The following CAP2 variants were observed in gnomAD, a reference collection of about 807,000 sequenced individuals.
CAP2 encodes the protein adenylyl cyclase-associated protein 2.
In CAP2, 24 loss-of-function variants were observed where a neutral mutation model predicts 57.7. The observed-to-expected ratio is 0.42, with a 90% CI of 0.30 to 0.58. The LOEUF (loss-of-function observed/expected upper bound fraction) is 0.58, where lower values mean the gene tolerates loss of function less well. Among genes scored for constraint, CAP2 ranks in the 20% least tolerant of loss-of-function variants. The probability of loss-of-function intolerance (pLI) is 0.22; values close to 1 mark genes in which losing one functional copy is unlikely to be tolerated. For missense variants in CAP2, 501 were observed against 590.3 expected, an observed-to-expected ratio of 0.85 and a Z score of 1.57; for synonymous variants, 194 against 207.2, an observed-to-expected ratio of 0.94 and a Z score of 0.55.
At chr6:17,401,659 C>G (rs1228334063) in intron 1 of CAP2, among the ~76,000 whole-genome samples, 1 of 152,166 alleles carries the variant, frequency 6.6e-6, no homozygotes, top group African/African-American at 2.4e-5. Flanking sequence ...GGCAGTCATG[C>G]TAGAAGCTGT....
rs571612726 is a variant in CAP2, at chr6:17,549,627, A to G, written c.1210-1837A>G. Among the ~76,000 whole-genome samples, 12 of 152,366 alleles carry G rather than the reference A, an allele frequency of 7.9e-5. No homozygotes were observed. The South Asian group carries it at 2.5e-3, about 32-fold the overall frequency. ...AGTATAGATGCCAGTTAATACCACA[A>G]TTAGTGATGTCTTCTCACACTCACC... On this transcript the variant is annotated intron_variant, in intron 11 of 12. Transcript: ENST00000229922.
Position 17,404,406 on chromosome 6 carries a change from C to T in CAP2, c.-2+10660C>T, listed in dbSNP as rs533032608. ...AGATCACGAGGTCAGGAGATGGAGA[C>T]CATCCTGGCTAACACGGTGAAACCC... On this transcript the variant is annotated intron_variant, in intron 1 of 12. Coordinates refer to ENST00000229922, the MANE Select transcript of CAP2 (RefSeq NM_006366.3). Among the ~76,000 whole-genome samples, 131 of 152,204 alleles carry T rather than the reference C, an allele frequency of 8.6e-4. 2 individuals are homozygous for T. Among genetic ancestry groups the T allele is most frequent in the African/African-American group, 3.1e-3 (129 of 41,534 alleles).
intron 1 of CAP2, among the ~76,000 whole-genome samples, chr6:17,400,518 G>A (rs1758782998): frequency 1.3e-5 from 2 of 152,124 alleles, no homozygotes; most frequent in South Asian, 4.1e-4. Flanking sequence ...CTATTCGGAT[G>A]ATTGTCATCA....
chr6:17,487,826 C>T (rs931480943), intron 4 of CAP2, among the ~76,000 whole-genome samples: 8 of 151,970 alleles, frequency 5.3e-5, no homozygotes, highest in East Asian at 2.0e-4. Context: ...TTACCTAGGC[C>T]GGAGTGCAGT....
intron 3 of CAP2, among the ~76,000 whole-genome samples, chr6:17,428,989 T>A (rs1215245235): frequency 1.3e-5 from 2 of 152,184 alleles, no homozygotes; most frequent in Admixed American, 1.3e-4. Context: ...CTTCTCCATT[T>A]CTGTTGAAGT....
At chr6:17,437,498 A>G (rs908609423) in intron 3 of CAP2, among the ~76,000 whole-genome samples, 2 of 152,188 alleles carry the variant, frequency 1.3e-5, no homozygotes. Context: ...AGTTTTGCCA[A>G]TCTGATGGGT....
chr6:17,531,061 T>C (rs1762626849), intron 7 of CAP2: 1 of 785,508 alleles, frequency 1.3e-6, no homozygotes, highest in Non-Finnish European at 2.3e-6. Context: ...ATGGTATAGA[T>C]CTCATGAATC....
intron 6 of CAP2, among the ~76,000 whole-genome samples, chr6:17,508,853 G>T (rs1259246452): frequency 6.6e-6 from 1 of 151,816 alleles, no homozygotes; most frequent in Non-Finnish European, 1.5e-5. Flanking sequence ...TGCCTCCCGG[G>T]TTCAAGCGAT....
chr6:17,556,571 T>C lies in CAP2; in HGVS notation c.*129T>C, dbSNP rs1295093391. ...TTTGGCCTCCAACGATTCTGTGCTA[T>C]AGATACAGCACTGTTTCTGGCACGC... On this transcript the variant is annotated 3_prime_UTR_variant, in exon 13 of 13. Transcript: ENST00000229922. The C allele has an allele frequency of 5.7e-6, 4 of 696,914 alleles. No homozygotes were observed. The African/African-American group carries it at 7.0e-5, about 12-fold the overall frequency. 43.2% of individuals were successfully genotyped at this position (696,914 alleles called of 1,614,324 possible). A position where few individuals can be genotyped will look rare whatever the true frequency, so the allele number is the denominator to read the frequency against.
intron 3 of CAP2, among the ~76,000 whole-genome samples, chr6:17,431,247 G>A (rs1205633375): frequency 2.0e-5 from 3 of 152,010 alleles, no homozygotes; most frequent in South Asian, 2.1e-4. Flanking sequence ...CCAAACCTCC[G>A]CGACACAAAA....
intron 3 of CAP2, among the ~76,000 whole-genome samples, chr6:17,435,702 A>AAAAAAAAG (rs1759856770): frequency 7.2e-6 from 1 of 139,364 alleles, no homozygotes; most frequent in African/African-American, 3.0e-5. Context: ...AAAAAAAAAA[A>AAAAAAAAG]AAGAAGTTTA....
chr6:17,439,808 T>C (rs1431288106), intron 3 of CAP2, among the ~76,000 whole-genome samples: 1 of 151,486 alleles, frequency 6.6e-6, no homozygotes, highest in African/African-American at 2.4e-5. Flanking sequence ...GCTATAAATA[T>C]AGACGAAGCT....
intron 4 of CAP2, among the ~76,000 whole-genome samples, chr6:17,487,066 T>C (rs1761437048): frequency 1.3e-5 from 2 of 152,214 alleles, no homozygotes; most frequent in Non-Finnish European, 1.5e-5. Flanking sequence ...ATCACTTTTC[T>C]TGCTCACCTC....
chr6:17,449,153 T>C (rs1760339589), intron 3 of CAP2, among the ~76,000 whole-genome samples: 1 of 152,178 alleles, frequency 6.6e-6, no homozygotes, highest in Non-Finnish European at 1.5e-5. Flanking sequence ...GATGAAGTAA[T>C]GTATGTATGA....
intron 3 of CAP2, among the ~76,000 whole-genome samples, chr6:17,457,207 G>A (rs1462069695): frequency 6.6e-6 from 1 of 152,192 alleles, no homozygotes; most frequent in Non-Finnish European, 1.5e-5. Flanking sequence ...CAGGCAGATA[G>A]ATGCACATGT....
chr6:17,552,874 G>A (rs1285629167), intron 12 of CAP2, among the ~76,000 whole-genome samples: 4 of 152,070 alleles, frequency 2.6e-5, no homozygotes, highest in East Asian at 1.9e-4. Flanking sequence ...CAGTAAGTTC[G>A]TCAGCTCTGC....
At chr6:17,426,471 G>T (rs1581507642) in intron 2 of CAP2, 119 bp from the exon 3 acceptor site, 1 of 705,486 alleles carries the variant, frequency 1.4e-6, no homozygotes, top group East Asian at 2.7e-5. Flanking sequence ...CTGACCTCAG[G>T]TGATCTGCCT....
chr6:17,440,612 GTGGTGTGTGTGTGTGT>G (rs1412774448), intron 3 of CAP2, among the ~76,000 whole-genome samples: 5 of 72,802 alleles, frequency 6.9e-5, no homozygotes, highest in Non-Finnish European at 1.1e-4. Context: ...CAAACTGTGT[GTGGTGTGTGTGTGTGT>G]GTGTGTGTGT....
chr6:17,543,295 T>A (rs1051323103), intron 11 of CAP2, 152 bp downstream of exon 11: 1 of 665,978 alleles, frequency 1.5e-6, no homozygotes, highest in African/African-American at 1.8e-5. Context: ...AGCTGCGGCC[T>A]TGCACAGACC....
Sources: gnomAD v4.1 joint callset for allele counts (sites outside exome capture counted in the v4.1 genomes callset) on GRCh38, gnomAD v4.1.1 for gene constraint, MANE v1.5 for transcripts, NCBI Gene and HGNC (gene_info 2026-07-23, HGNC 2026-07-21) for gene names.